Variants in DNAJC10 observed in about 807,000 individuals in gnomAD.
The protein encoded by DNAJC10 is endoplasmic reticulum disulfide reductase DNAJC10.
DNAJC10 carries 101 observed loss-of-function variants against 115.0 expected under a neutral mutation model. That is an observed-to-expected ratio of 0.88 (90% CI 0.75 to 1.04). The LOEUF is 1.04. Among genes scored for constraint, DNAJC10 ranks in the 50% least tolerant of loss-of-function variants. DNAJC10 has a pLI of 0.00. For missense variants in DNAJC10, 981 were observed against 928.8 expected, an observed-to-expected ratio of 1.06 and a Z score of -0.73; for synonymous variants, 307 against 301.5, an observed-to-expected ratio of 1.02 and a Z score of -0.19.
At chr2:182,728,012 C>T (rs1202243181) in intron 5 of DNAJC10, among the ~76,000 whole-genome samples, 1 of 152,158 alleles carries the variant, frequency 6.6e-6, no homozygotes, top group Non-Finnish European at 1.5e-5. Context: ...AAATGATTTT[C>T]CAAGGTAATG....
At chr2:182,750,466 T>A (rs442044) in intron 14 of DNAJC10, among the ~76,000 whole-genome samples, 98,463 of 152,018 alleles carry the variant, frequency 0.65, 32,253 homozygotes, top group Middle Eastern at 0.74. Context: ...CAAGATAAGG[T>A]TGGTGAGAAA....
rs1298802365 is a variant in DNAJC10 at position 182,783,213 on chromosome 2, T to C, written c.*6081T>C. 2 of 152,208 alleles carry C rather than the reference T, an allele frequency of 1.3e-5. No individual in the cohort carries two copies. Among genetic ancestry groups the C allele is most frequent in the Non-Finnish European group, 2.9e-5 (2 of 68,044 alleles). 9.4% of individuals were successfully genotyped at this position (152,208 alleles called of 1,614,324 possible). A position where few individuals can be genotyped will look rare whatever the true frequency, so the allele number is the denominator to read the frequency against. Reference sequence around the variant, plus strand: ...AAATGTTTGGAGGAAGTAAAATGTCTTTAAAAGAATAAGTGTTGATTTTTG... The same window carrying C: ...AAATGTTTGGAGGAAGTAAAATGTCCTTAAAAGAATAAGTGTTGATTTTTG... On this transcript the variant is annotated 3_prime_UTR_variant, in exon 24 of 24. Transcript: ENST00000264065.
At position 182,789,835 on chromosome 2, in the gene DNAJC10, A is replaced by T. The variant is rs1170813675; in HGVS notation, c.*12703A>T. On this transcript the variant is annotated 3_prime_UTR_variant, in exon 24 of 24. Coordinates refer to ENST00000264065, the MANE Select transcript of DNAJC10 (RefSeq NM_018981.4). ...TTTTTCCACATCCTCACCAACACTC[A>T]TTTTTTTTAAATAGTAGGTATCCCA... 1 of 151,972 alleles carries T rather than the reference A, an allele frequency of 6.6e-6. No homozygotes were observed. Among genetic ancestry groups the T allele is most frequent in the East Asian group, 1.9e-4 (1 of 5,182 alleles). 9.4% of individuals were successfully genotyped at this position (151,972 alleles called of 1,614,324 possible). A position where few individuals can be genotyped will look rare whatever the true frequency, so the allele number is the denominator to read the frequency against.
At chr2:182,765,540 A>G (rs1694389164) in intron 22 of DNAJC10, among the ~76,000 whole-genome samples, 1 of 152,178 alleles carries the variant, frequency 6.6e-6, no homozygotes, top group Admixed American at 6.5e-5. Context: ...ATACTTAAGA[A>G]ACCGATTCCA....
chr2:182,758,779 C>G, intron 19 of DNAJC10, 58 bp from the exon 20 acceptor site: 2 of 1,192,630 alleles, frequency 1.7e-6, no homozygotes, highest in Non-Finnish European at 2.5e-6. Flanking sequence ...AGATTGTTTT[C>G]TGAATACATC....
chr2:182,727,215 C>T (rs965285980), intron 5 of DNAJC10, among the ~76,000 whole-genome samples: 1 of 149,708 alleles, frequency 6.7e-6, no homozygotes, highest in African/African-American at 2.6e-5. Context: ...CTGAGGTATG[C>T]CTGTTACCAG....
At chr2:182,771,073 T>C (rs1243454340) in intron 22 of DNAJC10, among the ~76,000 whole-genome samples, 1 of 152,188 alleles carries the variant, frequency 6.6e-6, no homozygotes, top group East Asian at 1.9e-4. Context: ...TCATGTAGTT[T>C]TTGTCTTTGG....
chr2:182,766,692 G>C (rs1694421429), intron 22 of DNAJC10, among the ~76,000 whole-genome samples: 1 of 152,084 alleles, frequency 6.6e-6, no homozygotes, highest in Non-Finnish European at 1.5e-5. Context: ...TTGCATATTA[G>C]GAAGACTGTC....
At chr2:182,763,131 G>C (rs1694327700) in intron 22 of DNAJC10, among the ~76,000 whole-genome samples, 1 of 152,008 alleles carries the variant, frequency 6.6e-6, no homozygotes, top group African/African-American at 2.4e-5. Flanking sequence ...AAAGGTTATG[G>C]TGACTGTTGA....
chr2:182,741,195 C>T, intron 12 of DNAJC10, 48 bp from the exon 13 acceptor site: 1 of 1,274,942 alleles, frequency 7.8e-7, no homozygotes, highest in Admixed American at 1.9e-5. Context: ...GATTAGAACC[C>T]TTAGAATTTC....
rs183221306 is a variant in DNAJC10, at chr2:182,750,799, C to A, written c.1307-859C>A. On this transcript the variant is annotated intron_variant, in intron 14 of 23. Coordinates refer to ENST00000264065, the MANE Select transcript of DNAJC10 (RefSeq NM_018981.4). ...GGTAATGTGTTGCACTACAGAGTTA[C>A]AACAGCCACACCATCACTGAGCCAT... 3.2e-3 allele frequency among the ~76,000 whole-genome samples: 489 copies of A among 152,270 alleles called. 1 individual carries two copies. The highest frequency in any genetic ancestry group is 0.011 in the African/African-American group (469 of 41,546).
In DNAJC10 at chr2:182,775,649, T is replaced by C. The variant is rs139593195; in HGVS notation, c.2370+229T>C. Among the ~76,000 whole-genome samples, 264 of 152,278 alleles carry C rather than the reference T, an allele frequency of 1.7e-3. 2 individuals are homozygous for C. Among genetic ancestry groups the C allele is most frequent in the African/African-American group, 6.0e-3 (251 of 41,554 alleles). Reference sequence around the variant, plus strand: ...ACCACTTAACAAAAAATAGTGACTGTGGTCCATGCAAAAACATGTATACAA... The same window carrying C: ...ACCACTTAACAAAAAATAGTGACTGCGGTCCATGCAAAAACATGTATACAA... On this transcript the variant is annotated intron_variant, in intron 23 of 23. Coordinates refer to ENST00000264065, the MANE Select transcript of DNAJC10 (RefSeq NM_018981.4).
rs558199889 is a variant in DNAJC10, at chr2:182,788,685, C to G, written c.*11553C>G. On this transcript the variant is annotated 3_prime_UTR_variant, in exon 24 of 24. Coordinates refer to ENST00000264065, the MANE Select transcript of DNAJC10 (RefSeq NM_018981.4). ...AGAGAACAAAAGGAAGTGAGCTTAT[C>G]CCACAGCACAAGTAACGTCTATTTA... 4 of 380,434 alleles carry G rather than the reference C, an allele frequency of 1.1e-5. No individual in the cohort carries two copies. The highest frequency in any genetic ancestry group is 2.1e-5 in the Non-Finnish European group (4 of 194,744). 23.6% of individuals were successfully genotyped at this position (380,434 alleles called of 1,614,324 possible). A position where few individuals can be genotyped will look rare whatever the true frequency, so the allele number is the denominator to read the frequency against.
At chr2:182,738,129 A>T (rs1693632747) in intron 11 of DNAJC10, among the ~76,000 whole-genome samples, 1 of 152,184 alleles carries the variant, frequency 6.6e-6, no homozygotes, top group East Asian at 1.9e-4. Context: ...CACTGACTAG[A>T]TGTGACATAC....
intron 12 of DNAJC10, 50 bp from the exon 13 acceptor site, chr2:182,741,193 C>G (rs771325360): frequency 3.3e-5 from 40 of 1,226,792 alleles, no homozygotes; most frequent in Non-Finnish European, 4.0e-5. Context: ...AAGATTAGAA[C>G]CCTTAGAATT....
chr2:182,779,503 AGAGGCT>A lies in DNAJC10; in HGVS notation c.*2377_*2382del, dbSNP rs1201320361. 6.6e-6 allele frequency: 1 copy of A among 152,126 alleles called. No individual in the cohort carries two copies. The highest frequency in any genetic ancestry group is 1.5e-5 in the Non-Finnish European group (1 of 68,042). The allele number at this position is 152,126 out of a possible 1,614,324, so 9.4% of individuals were successfully genotyped here. On this transcript the variant is annotated 3_prime_UTR_variant, in exon 24 of 24. Coordinates refer to ENST00000264065, the MANE Select transcript of DNAJC10 (RefSeq NM_018981.4). ...GTGCGCCTATTGTCCCATCTACTTGAGAGGCTGAGGCAGGAGGGATTGCTTGGGCTC... is the reference window on the plus strand; with the variant it reads ...GTGCGCCTATTGTCCCATCTACTTGAGAGGCAGGAGGGATTGCTTGGGCTC...
At chr2:182,753,579 G>GTTTTTTTTTTT (rs56151760) in intron 16 of DNAJC10, among the ~76,000 whole-genome samples, 5 of 99,400 alleles carry the variant, frequency 5.0e-5, no homozygotes, top group African/African-American at 1.2e-4. Flanking sequence ...CTTTAGTTTA[G>GTTTTTTTTTTT]TTTTTTTTTT....
At chr2:182,769,434 T>C (rs1249603992) in intron 22 of DNAJC10, among the ~76,000 whole-genome samples, 2 of 152,176 alleles carry the variant, frequency 1.3e-5, no homozygotes, top group African/African-American at 2.4e-5. Context: ...TAATTAACAC[T>C]CCCACCAACA....
intron 10 of DNAJC10, among the ~76,000 whole-genome samples, chr2:182,734,275 GATAT>G (rs375425715): frequency 3.4e-5 from 5 of 148,986 alleles, no homozygotes; most frequent in Admixed American, 3.3e-4. Flanking sequence ...CTTCTATTTT[GATAT>G]ATATATATAG....
Sources: gnomAD v4.1 joint callset for allele counts (sites outside exome capture counted in the v4.1 genomes callset) on GRCh38, gnomAD v4.1.1 for gene constraint, MANE v1.5 for transcripts, NCBI Gene and HGNC (gene_info 2026-07-23, HGNC 2026-07-21) for gene names.